Variants in HOOK3 observed in about 807,000 individuals in gnomAD.
HOOK3 encodes protein Hook homolog 3.
HOOK3 carries 24 observed loss-of-function variants against 116.3 expected under a neutral mutation model. The ratio of observed to expected loss-of-function variants is 0.21; its 90% CI spans 0.15 to 0.29. The LOEUF (loss-of-function observed/expected upper bound fraction) is 0.29. Among genes scored for constraint, HOOK3 ranks in the 10% least tolerant of loss-of-function variants. The pLI, the probability that HOOK3 is intolerant of heterozygous loss-of-function variation, is 1.00. For synonymous variants in HOOK3, 275 were observed against 283.0 expected, an observed-to-expected ratio of 0.97 and a Z score of 0.28; for missense variants, 632 against 830.2, an observed-to-expected ratio of 0.76 and a Z score of 2.93.
At chr8:42,984,784 A>G (rs1009863625) in intron 14 of HOOK3, among the ~76,000 whole-genome samples, 3 of 152,162 alleles carry the variant, frequency 2.0e-5, no homozygotes, top group African/African-American at 7.2e-5. Flanking sequence ...CACGCCTGTA[A>G]TCCCAGCTAC....
At chr8:42,938,909 G>T (rs1808032121) in intron 4 of HOOK3, among the ~76,000 whole-genome samples, 1 of 151,986 alleles carries the variant, frequency 6.6e-6, no homozygotes, top group Non-Finnish European at 1.5e-5. Flanking sequence ...TTAGCGAGTG[G>T]TGATGACTCT....
rs564228528 is a variant in HOOK3, at chr8:43,017,943, A to G, written c.2017-415A>G. Among the ~76,000 whole-genome samples, 39 of 152,332 alleles carry G rather than the reference A, an allele frequency of 2.6e-4. No homozygotes were observed. In the East Asian group the frequency reaches 7.3e-3, roughly 29 times the overall value. On this transcript the variant is annotated intron_variant, in intron 21 of 21. Coordinates refer to ENST00000307602, the MANE Select transcript of HOOK3 (RefSeq NM_032410.4). ...TGTACAGTACCTAGTGTGGCTTTCCATCTTAAGAAACAACACAAGCATTTG... is the reference window on the plus strand; with the variant it reads ...TGTACAGTACCTAGTGTGGCTTTCCGTCTTAAGAAACAACACAAGCATTTG...
At chr8:42,910,948 CAAAGT>C (rs1251623566) in intron 2 of HOOK3, among the ~76,000 whole-genome samples, 1 of 152,150 alleles carries the variant, frequency 6.6e-6, no homozygotes, top group Admixed American at 6.5e-5. Flanking sequence ...TTTTACCTGA[CAAAGT>C]AAAGGTAATT....
At position 42,906,166 on chromosome 8, in the gene HOOK3, C is replaced by A; in HGVS notation, c.58-7C>A. 1 of 727,228 alleles carries A rather than the reference C, an allele frequency of 1.4e-6. No homozygotes were observed. Among genetic ancestry groups the A allele is most frequent in the Non-Finnish European group, 2.2e-6 (1 of 448,074 alleles). The allele number at this position is 727,228 out of a possible 1,614,324, so 45.0% of individuals were successfully genotyped here. A position where few individuals can be genotyped will look rare whatever the true frequency, so the allele number is the denominator to read the frequency against. On this transcript the variant is annotated splice_region_variant and splice_polypyrimidine_tract_variant and intron_variant, in intron 1 of 21. Coordinates refer to ENST00000307602, the MANE Select transcript of HOOK3 (RefSeq NM_032410.4). ...TCTCTCCCCCCCCCCTCTTTTTTTC[C>A]CTTCAGATCCAGACATTTAATGTGG... is the stretch of plus-strand genomic sequence containing the variant.
intron 16 of HOOK3, among the ~76,000 whole-genome samples, chr8:42,999,889 G>C (rs1411181088): frequency 6.6e-6 from 1 of 152,186 alleles, no homozygotes; most frequent in Non-Finnish European, 1.5e-5. Flanking sequence ...GCTCATGCCT[G>C]TAATCCTAGC....
chr8:42,930,025 T>G (rs1807844242), intron 3 of HOOK3, 97 bp from the exon 4 acceptor site: 1 of 1,011,776 alleles, frequency 9.9e-7, no homozygotes, highest in Admixed American at 3.2e-5. Flanking sequence ...ACTTTATGAT[T>G]AACTGCAGTG....
Position 43,018,568 on chromosome 8 carries a change from A to T in HOOK3, c.*70A>T. 7.1e-7 allele frequency: 1 copy of T among 1,399,638 alleles called. No homozygotes were observed. Among genetic ancestry groups the T allele is most frequent in the Non-Finnish European group, 9.4e-7 (1 of 1,060,460 alleles). 86.7% of individuals were successfully genotyped at this position (1,399,638 alleles called of 1,614,324 possible). A position where few individuals can be genotyped will look rare whatever the true frequency, so the allele number is the denominator to read the frequency against. ...CTTCTGTTACACACAAGAACATTTC[A>T]GGAAACTCAGCCAGCTTATTTTTTG... On this transcript the variant is annotated 3_prime_UTR_variant, in exon 22 of 22. Coordinates refer to ENST00000307602, the MANE Select transcript of HOOK3 (RefSeq NM_032410.4).
intron 2 of HOOK3, among the ~76,000 whole-genome samples, chr8:42,923,714 T>C (rs1042702195): frequency 4.6e-5 from 7 of 152,194 alleles, no homozygotes; most frequent in African/African-American, 1.7e-4. Flanking sequence ...TTTGGAAAGA[T>C]GGAAGTGCTC....
intron 2 of HOOK3, among the ~76,000 whole-genome samples, chr8:42,920,742 A>G (rs1386471725): frequency 1.1e-4 from 16 of 152,232 alleles, no homozygotes; most frequent in Admixed American, 1.0e-3. Context: ...CAACTCTGAC[A>G]GTTAACTGTC....
chr8:43,003,987 A>T (rs1443568773), intron 17 of HOOK3, among the ~76,000 whole-genome samples: 2 of 151,958 alleles, frequency 1.3e-5, no homozygotes, highest in African/African-American at 4.8e-5. Context: ...AGGAGTTAAA[A>T]CTCCAATTTT....
chr8:42,974,825 C>T lies in HOOK3; in HGVS notation c.1321+631C>T, dbSNP rs556075172. 3.3e-4 allele frequency among the ~76,000 whole-genome samples: 51 copies of T among 152,320 alleles called. 1 individual carries two copies. Among genetic ancestry groups the T allele is most frequent in the African/African-American group, 6.3e-4 (26 of 41,578 alleles). ...AATGGCCAAACCCAGACAGTCTCTG[C>T]GGCTCCCTTCCATTCTGAGAGGACC... On this transcript the variant is annotated intron_variant, in intron 13 of 21. Transcript: ENST00000307602.
rs1427424628 is a variant in HOOK3, at chr8:43,019,626, A to G, written c.*1128A>G. ...TTTTCTTGGATATTTGGTTGCCTCA[A>G]AGTGCTTACATTTGTTAACAGATTG... On this transcript the variant is annotated 3_prime_UTR_variant, in exon 22 of 22. Coordinates refer to ENST00000307602, the MANE Select transcript of HOOK3 (RefSeq NM_032410.4). 4.9e-6 allele frequency: 1 copy of G among 203,454 alleles called. No homozygotes were observed. Among genetic ancestry groups the G allele is most frequent in the South Asian group, 1.9e-4 (1 of 5,284 alleles). 12.6% of individuals were successfully genotyped at this position (203,454 alleles called of 1,614,324 possible). A position where few individuals can be genotyped will look rare whatever the true frequency, so the allele number is the denominator to read the frequency against.
intron 4 of HOOK3, among the ~76,000 whole-genome samples, chr8:42,941,397 A>T (rs1490714571): frequency 6.6e-6 from 1 of 150,964 alleles, no homozygotes; most frequent in Non-Finnish European, 1.5e-5. Flanking sequence ...GGGCGCTTGT[A>T]GTCCCAGCTA....
At chr8:42,973,189 T>C in intron 11 of HOOK3, 100 bp from the exon 12 acceptor site, 1 of 1,294,966 alleles carries the variant, frequency 7.7e-7, no homozygotes, top group Non-Finnish European at 1.0e-6. Context: ...ATTTGAGTAC[T>C]GGTGGGAGAG....
Position 42,984,343 on chromosome 8 carries a change from G to A in HOOK3, c.1391+1647G>A, listed in dbSNP as rs184775446. Among the ~76,000 whole-genome samples the A allele has an allele frequency of 5.2e-4, 79 of 151,364 alleles. No homozygotes were observed. The East Asian group carries it at 0.012, about 24-fold the overall frequency. Reference sequence around the variant, plus strand: ...AGATCGCGCCATTGCACTCCAGTCTGGGCAACAAGAGTGAAACTCCATCTC... The same window carrying A: ...AGATCGCGCCATTGCACTCCAGTCTAGGCAACAAGAGTGAAACTCCATCTC... On this transcript the variant is annotated intron_variant, in intron 14 of 21. Transcript: ENST00000307602.
chr8:42,915,290 A>G (rs924727664), intron 2 of HOOK3, among the ~76,000 whole-genome samples: 5 of 152,032 alleles, frequency 3.3e-5, no homozygotes, highest in Admixed American at 1.3e-4. Context: ...AGGCTGAGGC[A>G]GGAGGATCAC....
chr8:42,978,268 G>C (rs913825046), intron 13 of HOOK3, among the ~76,000 whole-genome samples: 2 of 152,124 alleles, frequency 1.3e-5, no homozygotes, highest in African/African-American at 4.8e-5. Context: ...TTGAGATGGA[G>C]TTTCGCTCTT....
At chr8:42,971,769 C>T (rs1808732385) in intron 11 of HOOK3, among the ~76,000 whole-genome samples, 1 of 151,984 alleles carries the variant, frequency 6.6e-6, no homozygotes, top group Non-Finnish European at 1.5e-5. Context: ...CAACCTCCAC[C>T]TCCCGGGTTC....
At chr8:42,906,081 C>T (rs567841163) in intron 1 of HOOK3, 92 bp from the exon 2 acceptor site, 26 of 873,278 alleles carry the variant, frequency 3.0e-5, no homozygotes, top group East Asian at 5.1e-5. Context: ...GGCTAGACTC[C>T]GTCTCCAAAA....
Sources: gnomAD v4.1 joint callset for allele counts (sites outside exome capture counted in the v4.1 genomes callset) on GRCh38, gnomAD v4.1.1 for gene constraint, MANE v1.5 for transcripts, NCBI Gene and HGNC (gene_info 2026-07-23, HGNC 2026-07-21) for gene names.